PCNX1: variants seen among roughly 807,000 people sequenced by gnomAD.
The protein encoded by PCNX1 is pecanex-like protein 1.
PCNX1 carries 78 observed loss-of-function variants against 242.2 expected under a neutral mutation model. The observed-to-expected ratio is 0.32, with a 90% CI of 0.27 to 0.39. The LOEUF (loss-of-function observed/expected upper bound fraction) is 0.39, where lower values mean the gene tolerates loss of function less well. Among genes scored for constraint, PCNX1 ranks in the 10% least tolerant of loss-of-function variants. The probability of loss-of-function intolerance (pLI) is 1.00; values close to 1 mark genes in which losing one functional copy is unlikely to be tolerated. For missense variants in PCNX1, 2,581 were observed against 2,856.5 expected, an observed-to-expected ratio of 0.90 and a Z score of 2.20; for synonymous variants, 1,024 against 1,032.9, an observed-to-expected ratio of 0.99 and a Z score of 0.17.
In PCNX1 at chr14:71,005,022, G is replaced by T. The variant is rs552325172; in HGVS notation, c.2630-4612G>T. 8.5e-5 allele frequency among the ~76,000 whole-genome samples: 13 copies of T among 152,138 alleles called. No homozygotes were observed. The East Asian group carries it at 2.5e-3, about 29-fold the overall frequency. ...GTGTAGACAGTGCATCAGGCTTGGAGGACACAGAATGAAGGGAAGGTTGGG... is the reference window on the plus strand; with the variant it reads ...GTGTAGACAGTGCATCAGGCTTGGATGACACAGAATGAAGGGAAGGTTGGG... On this transcript the variant is annotated intron_variant, in intron 8 of 35. Coordinates refer to ENST00000304743, the MANE Select transcript of PCNX1 (RefSeq NM_014982.3).
intron 3 of PCNX1, 47 bp downstream of exon 3, chr14:70,962,378 G>A (rs901100825): frequency 2.1e-6 from 2 of 969,134 alleles, no homozygotes; most frequent in African/African-American, 3.2e-5. Flanking sequence ...TCCTCCTGAT[G>A]GTGGTCTCCG....
At chr14:70,912,090 C>T (rs904843511) in intron 1 of PCNX1, among the ~76,000 whole-genome samples, 1 of 151,986 alleles carries the variant, frequency 6.6e-6, no homozygotes, top group Non-Finnish European at 1.5e-5. Context: ...AAAAAATTAG[C>T]CGGGCATGGT....
At chr14:71,106,139 G>A (rs543493408) in intron 33 of PCNX1, among the ~76,000 whole-genome samples, 4 of 151,590 alleles carry the variant, frequency 2.6e-5, no homozygotes, top group Non-Finnish European at 4.4e-5. Flanking sequence ...TCAGCCTCCC[G>A]AGTAGCTGGG....
intron 19 of PCNX1, among the ~76,000 whole-genome samples, chr14:71,040,067 A>G (rs911283825): frequency 2.0e-4 from 31 of 152,144 alleles, no homozygotes; most frequent in African/African-American, 6.0e-4. Context: ...CTGCCTTGGC[A>G]TCCCAAAGTG....
Position 70,983,861 on chromosome 14 carries a change from A to G in PCNX1, c.2312-4706A>G, listed in dbSNP as rs1020789026. 7.3e-5 allele frequency among the ~76,000 whole-genome samples: 11 copies of G among 151,498 alleles called. 2 individuals are homozygous for G. Among genetic ancestry groups the G allele is most frequent in the Non-Finnish European group, 1.5e-4 (10 of 67,634 alleles). ...AAAATCTTTGTATGTTGATGGTAGC[A>G]TCGTTCTTGGCTGACAAAGAAACTA... On this transcript the variant is annotated intron_variant, in intron 6 of 35. Transcript: ENST00000304743.
In PCNX1 at chr14:71,018,925, A is replaced by G. The variant is rs192492677; in HGVS notation, c.2997-84A>G. ...CATCTTGGCATACCATGAACTTCAT[A>G]TTTATGTCTTCCCTTCCCTTTTTTC... On this transcript the variant is annotated intron_variant, in intron 11 of 35. Coordinates refer to ENST00000304743, the MANE Select transcript of PCNX1 (RefSeq NM_014982.3). The G allele has an allele frequency of 8.5e-6, 10 of 1,179,572 alleles. No homozygotes were observed. In the Admixed American group the frequency reaches 1.5e-4, roughly 18 times the overall value. The allele number at this position is 1,179,572 out of a possible 1,614,324, so 73.1% of individuals were successfully genotyped here. A position where few individuals can be genotyped will look rare whatever the true frequency, so the allele number is the denominator to read the frequency against.
chr14:70,946,672 T>A (rs570851642), intron 1 of PCNX1, among the ~76,000 whole-genome samples: 1 of 152,258 alleles, frequency 6.6e-6, no homozygotes. Flanking sequence ...ATCTTTGAAA[T>A]GCAGTGTTTA....
chr14:71,108,968 T>C lies in PCNX1; in HGVS notation c.6666T>C (p.Thr2222=). The part of the protein sequence containing the change: ...LATEGGQSSA[T]DAQPGNTLSP... ...CAGAGGGAGGTCAGAGCAGTGCCAC[T>C]GATGCACAGCCAGGCAACACCTTAA... is the stretch of plus-strand genomic sequence containing the variant. Residue 2222 remains threonine, a synonymous_variant, in exon 34 of 36, where the codon ACT becomes ACC. Transcript: ENST00000304743. The C allele has an allele frequency of 6.2e-7, 1 of 1,614,230 alleles. No homozygotes were observed. The highest frequency in any genetic ancestry group is 2.2e-5 in the East Asian group (1 of 44,888).
In PCNX1 at chr14:71,033,416, C is replaced by T. The variant is rs147880621; in HGVS notation, c.3559-13C>T. ...TAGAAGCATATTATTCTGTTAAATT[C>T]ATTTTTCCGCAGGATTCTTGGGATG... On this transcript the variant is annotated splice_polypyrimidine_tract_variant and intron_variant, in intron 16 of 35. Coordinates refer to ENST00000304743, the MANE Select transcript of PCNX1 (RefSeq NM_014982.3). 152 of 1,379,286 alleles carry T rather than the reference C, an allele frequency of 1.1e-4. No individual in the cohort carries two copies. Among genetic ancestry groups the T allele is most frequent in the African/African-American group, 1.0e-3 (71 of 70,008 alleles). The allele number at this position is 1,379,286 out of a possible 1,614,324, so 85.4% of individuals were successfully genotyped here.
At chr14:71,021,663 T>C (rs1299362799) in intron 12 of PCNX1, among the ~76,000 whole-genome samples, 1 of 152,212 alleles carries the variant, frequency 6.6e-6, no homozygotes, top group Non-Finnish European at 1.5e-5. Flanking sequence ...CTAATGATCA[T>C]TCTAATTGCT....
At chr14:71,070,444 C>G (rs965166161) in intron 26 of PCNX1, among the ~76,000 whole-genome samples, 1 of 152,198 alleles carries the variant, frequency 6.6e-6, no homozygotes, top group Non-Finnish European at 1.5e-5. Flanking sequence ...TATAGCCTTA[C>G]AAAATTTATT....
chr14:71,027,152 A>G, intron 15 of PCNX1: 1 of 294,602 alleles, frequency 3.4e-6, no homozygotes, highest in Non-Finnish European at 6.4e-6. Flanking sequence ...GTTCTAGTGA[A>G]TTTACATGGA....
chr14:71,032,693 G>A (rs186602454), intron 16 of PCNX1, among the ~76,000 whole-genome samples: 13 of 152,318 alleles, frequency 8.5e-5, no homozygotes, highest in Non-Finnish European at 1.3e-4. Context: ...AACAATGAAG[G>A]ATTAGAGTAT....
chr14:70,976,150 C>T (rs781499583), intron 5 of PCNX1, among the ~76,000 whole-genome samples: 7 of 151,966 alleles, frequency 4.6e-5, no homozygotes, highest in Non-Finnish European at 8.8e-5. Flanking sequence ...TAATGATAGC[C>T]ATCTTTAATT....
At chr14:71,033,559 T>C (rs751466638) in intron 17 of PCNX1, 21 bp downstream of exon 17, 16 of 1,275,188 alleles carry the variant, frequency 1.3e-5, no homozygotes, top group South Asian at 2.5e-5. Context: ...TCAATTGTTA[T>C]TGAATTAAAA....
chr14:70,920,792 C>G (rs1026969004), intron 1 of PCNX1, among the ~76,000 whole-genome samples: 1 of 152,086 alleles, frequency 6.6e-6, no homozygotes, highest in Admixed American at 6.6e-5. Context: ...TCATAAAGTG[C>G]TCAGGAATTG....
rs552312439 is a variant in PCNX1 at position 71,069,716 on chromosome 14, A to G, written c.4853-3829A>G. On this transcript the variant is annotated intron_variant, in intron 26 of 35. Coordinates refer to ENST00000304743, the MANE Select transcript of PCNX1 (RefSeq NM_014982.3). ...ATCTTAATTTTAAAAATTTACTGCT[A>G]ATAAATGCTAAGGATGATCTGAGCC... Among the ~76,000 whole-genome samples the G allele has an allele frequency of 2.0e-5, 3 of 152,344 alleles. No homozygotes were observed. The East Asian group carries it at 5.8e-4, about 29-fold the overall frequency.
At chr14:71,072,225 T>C (rs1254854610) in intron 26 of PCNX1, among the ~76,000 whole-genome samples, 1 of 152,206 alleles carries the variant, frequency 6.6e-6, no homozygotes, top group Non-Finnish European at 1.5e-5. Context: ...TTTGTAGATA[T>C]CACAGTGCCT....
intron 2 of PCNX1, among the ~76,000 whole-genome samples, chr14:70,949,142 A>G (rs1303199350): frequency 9.0e-6 from 1 of 111,206 alleles, no homozygotes; most frequent in East Asian, 2.4e-4. Context: ...ATATACACAT[A>G]TGTATATGTG....
Sources: gnomAD v4.1 joint callset for allele counts (sites outside exome capture counted in the v4.1 genomes callset) on GRCh38, gnomAD v4.1.1 for gene constraint, MANE v1.5 for transcripts, NCBI Gene and HGNC (gene_info 2026-07-23, HGNC 2026-07-21) for gene names.